RTN4RL1: variants seen among roughly 807,000 people sequenced by gnomAD.
The protein encoded by RTN4RL1 is reticulon-4 receptor-like 1.
A neutral mutation model predicts 25.6 loss-of-function variants in RTN4RL1; 7 were observed. That is an observed-to-expected ratio of 0.27 (90% CI 0.16 to 0.51). The LOEUF (loss-of-function observed/expected upper bound fraction) is 0.51. Ranked by LOEUF, RTN4RL1 falls within the 20% of genes least tolerant of loss-of-function variation. The pLI, the probability that RTN4RL1 is intolerant of heterozygous loss-of-function variation, is 0.97. For missense variants in RTN4RL1, 500 were observed against 615.6 expected (o/e 0.81, Z 1.99); for synonymous variants, 297 against 288.2 (o/e 1.03, Z -0.31).
intron 1 of RTN4RL1, among the ~76,000 whole-genome samples, chr17:2,012,702 A>C (rs144195748): frequency 7.7e-4 from 117 of 152,034 alleles, no homozygotes; most frequent in African/African-American, 2.7e-3. Context: ...CCTATGTACA[A>C]TCATTCAATC....
At chr17:1,959,111 C>T (rs902845019) in intron 1 of RTN4RL1, among the ~76,000 whole-genome samples, 33 of 152,214 alleles carry the variant, frequency 2.2e-4, no homozygotes, top group African/African-American at 7.5e-4. Flanking sequence ...CTTTTATTTC[C>T]GGGGTGGCCC....
chr17:1,958,770 G>C (rs1915840585), intron 1 of RTN4RL1, among the ~76,000 whole-genome samples: 1 of 152,252 alleles, frequency 6.6e-6, no homozygotes, highest in South Asian at 2.1e-4. Context: ...CTGGTGACAG[G>C]CCTGGGTTCA....
At chr17:2,017,911 C>T (rs2067147752) in intron 1 of RTN4RL1, 1 of 152,348 alleles carries the variant, frequency 6.6e-6, no homozygotes. Context: ...CGCTCCTGCA[C>T]CCTAAGATCA....
At chr17:2,010,192 C>A (rs1362996261) in intron 1 of RTN4RL1, among the ~76,000 whole-genome samples, 1 of 120,570 alleles carries the variant, frequency 8.3e-6, no homozygotes, top group Admixed American at 8.8e-5. Context: ...CGCGGTAGCT[C>A]ACGCCTATAA....
At chr17:2,018,751 G>C (rs1229253764) in intron 1 of RTN4RL1, among the ~76,000 whole-genome samples, 1 of 152,092 alleles carries the variant, frequency 6.6e-6, no homozygotes, top group Non-Finnish European at 1.5e-5. Flanking sequence ...CATCTGACAC[G>C]GAGGAATGAG....
chr17:1,949,035 C>T (rs540244242), intron 1 of RTN4RL1, among the ~76,000 whole-genome samples: 1 of 152,272 alleles, frequency 6.6e-6, no homozygotes, highest in Non-Finnish European at 1.5e-5. Context: ...CGGCTCACTG[C>T]AAGCTCCGCC....
intron 1 of RTN4RL1, among the ~76,000 whole-genome samples, chr17:1,941,548 G>A (rs1915437858): frequency 6.6e-6 from 1 of 152,180 alleles, no homozygotes; most frequent in African/African-American, 2.4e-5. Flanking sequence ...ACCAGTGTGG[G>A]CAGCCCCTCC....
At chr17:1,964,518 G>T (rs186484632) in intron 1 of RTN4RL1, among the ~76,000 whole-genome samples, 192 of 152,158 alleles carry the variant, frequency 1.3e-3, no homozygotes, top group African/African-American at 4.3e-3. Flanking sequence ...GGATCATGAG[G>T]TCAGGAGATT....
chr17:1,987,340 T>C (rs1188202563), intron 1 of RTN4RL1, among the ~76,000 whole-genome samples: 1 of 152,122 alleles, frequency 6.6e-6, no homozygotes, highest in African/African-American at 2.4e-5. Context: ...CCCACAACTT[T>C]CGTTCAAGCC....
intron 1 of RTN4RL1, among the ~76,000 whole-genome samples, chr17:1,980,925 T>TAAAAAAAAAAAAA (rs1177795162): frequency 1.3e-4 from 1 of 7,656 alleles, no homozygotes; most frequent in Non-Finnish European, 3.2e-4. Context: ...AGATTCTATC[T>TAAAAAAAAAAAAA]CAAAAAAAAA....
intron 1 of RTN4RL1, among the ~76,000 whole-genome samples, chr17:2,002,525 C>T (rs112345262): frequency 0.012 from 1,782 of 151,628 alleles, 36 homozygotes; most frequent in African/African-American, 0.041. Context: ...ATCTCCTGAC[C>T]TCGTGATCCG....
intron 1 of RTN4RL1, among the ~76,000 whole-genome samples, chr17:1,993,644 C>T (rs1299685569): frequency 1.3e-5 from 2 of 152,136 alleles, no homozygotes; most frequent in South Asian, 2.1e-4. Context: ...CCGTTCCCTT[C>T]CCCTACCCTT....
At chr17:2,008,213 G>A (rs184788622) in intron 1 of RTN4RL1, among the ~76,000 whole-genome samples, 4 of 151,078 alleles carry the variant, frequency 2.6e-5, no homozygotes, top group Admixed American at 1.3e-4. Context: ...AGGTTGCGGT[G>A]AGCCGAGATT....
chr17:2,002,466 G>C (rs550895330), intron 1 of RTN4RL1, among the ~76,000 whole-genome samples: 2 of 150,240 alleles, frequency 1.3e-5, no homozygotes, highest in East Asian at 3.9e-4. Context: ...CTAATTTTTT[G>C]TATTTTTAGT....
At chr17:1,977,573 G>A (rs1185851822) in intron 1 of RTN4RL1, among the ~76,000 whole-genome samples, 1 of 152,098 alleles carries the variant, frequency 6.6e-6, no homozygotes, top group Non-Finnish European at 1.5e-5. Flanking sequence ...AACCACCCGC[G>A]GCTGGGAGAC....
chr17:1,986,044 C>G (rs776273174), intron 1 of RTN4RL1, among the ~76,000 whole-genome samples: 13 of 152,176 alleles, frequency 8.5e-5, no homozygotes, highest in South Asian at 2.1e-4. Context: ...AGCTCTGTCT[C>G]CACCAAGACA....
At chr17:2,018,453 C>T (rs1397651152) in intron 1 of RTN4RL1, among the ~76,000 whole-genome samples, 1 of 152,168 alleles carries the variant, frequency 6.6e-6, no homozygotes, top group African/African-American at 2.4e-5. Flanking sequence ...CCAGGAGTCC[C>T]AGATCCCAGC....
At chr17:1,971,733 C>A (rs569848619) in intron 1 of RTN4RL1, among the ~76,000 whole-genome samples, 1 of 151,898 alleles carries the variant, frequency 6.6e-6, no homozygotes, top group Non-Finnish European at 1.5e-5. Flanking sequence ...GGGGCAGAGG[C>A]GGGTGGATCA....
intron 1 of RTN4RL1, among the ~76,000 whole-genome samples, chr17:1,990,627 G>A (rs1373670354): frequency 6.6e-6 from 1 of 152,072 alleles, no homozygotes; most frequent in Non-Finnish European, 1.5e-5. Context: ...CTTGAGCCCA[G>A]GAGGTTGAGG....
Sources: gnomAD v4.1 joint callset for allele counts (sites outside exome capture counted in the v4.1 genomes callset) on GRCh38, gnomAD v4.1.1 for gene constraint, MANE v1.5 for transcripts, NCBI Gene and HGNC (gene_info 2026-07-23, HGNC 2026-07-21) for gene names.